The following ZNF91 variants were observed in gnomAD, a reference collection of about 807,000 sequenced individuals.
ZNF91 encodes zinc finger protein 91 (HPF7, HTF10).
In ZNF91, 7 loss-of-function variants were observed where a neutral mutation model predicts 12.6. The observed-to-expected ratio is 0.55, with a 90% CI of 0.31 to 1.04. The LOEUF (loss-of-function observed/expected upper bound fraction) is 1.04. Ranked by LOEUF, ZNF91 falls within the 50% of genes least tolerant of loss-of-function variation. ZNF91 has a pLI of 0.05. For synonymous variants in ZNF91, 453 were observed against 462.6 expected (o/e 0.98, Z 0.27); for missense variants, 1,217 against 1,385.4 (o/e 0.88, Z 1.93).
chr19:23,360,334 G>A lies in ZNF91; in HGVS notation c.2645C>T (p.Ser882Phe). The change falls in exon 4 of 4, where the codon TCC becomes TTC. Residue 882 changes from serine (S) to phenylalanine (F), a missense_variant. Ser to Phe is a radical substitution (Grantham distance 155, BLOSUM62 -2). This residue lies in a region of ZNF91 where 491 missense variants were observed against 489.8 expected (regional missense o/e 1.00). Transcript: ENST00000300619. ...TGCTTTGTCACATTCTTCACTCTTG[G>A]AAGGTTTCTCTTTAGTATGAATTAT... The part of the protein sequence containing the change: ...HKIIHTKEKP[S>F]KSEECDKAFI... The A allele has an allele frequency of 6.2e-7, 1 of 1,611,878 alleles. No individual in the cohort carries two copies. The highest frequency in any genetic ancestry group is 1.1e-5 in the South Asian group (1 of 90,916).
upstream of ZNF91, among the ~76,000 whole-genome samples, chr19:23,313,607 A>T (rs1967506005): frequency 1.3e-5 from 2 of 152,138 alleles, no homozygotes; most frequent in Non-Finnish European, 2.9e-5. Flanking sequence ...GGATTGTAAC[A>T]TTTATCTCTG....
chr19:23,319,779 C>T (rs1029136925), intron 1 of ZNF91, among the ~76,000 whole-genome samples: 6 of 152,172 alleles, frequency 3.9e-5, no homozygotes, highest in African/African-American at 1.4e-4. Flanking sequence ...GGTAATGTTA[C>T]TCTCCTGCTT....
chr19:23,391,247 A>AGC (rs1327875645), intron 1 of ZNF91, among the ~76,000 whole-genome samples: 1 of 152,222 alleles, frequency 6.6e-6, no homozygotes, highest in African/African-American at 2.4e-5. Context: ...ATTAAAAATC[A>AGC]GCTGACTTTG....
In ZNF91 at chr19:23,362,007, A is replaced by G. The variant is rs370494808; in HGVS notation, c.972T>C (p.Cys324=). ...GGCTAAAAGCTTTGCCACATTCTTC[A>G]CATTTGTAGGGTTTCTCTCCAGTAT... The part of the protein sequence containing the change: ...RIHTGEKPYK[C]EECGKAFSRS... Residue 324 remains cysteine, a synonymous_variant, in exon 4 of 4, where the codon TGT becomes TGC. Coordinates refer to ENST00000300619, the MANE Select transcript of ZNF91 (RefSeq NM_003430.4). 2.5e-6 allele frequency: 4 copies of G among 1,614,014 alleles called. No individual in the cohort carries two copies. The highest frequency in any genetic ancestry group is 3.4e-6 in the Non-Finnish European group (4 of 1,179,966).
rs1296968859 is a variant in ZNF91 at position 23,340,372 on chromosome 19, CAGA to C, written c.254-1321_254-1319del. Among the ~76,000 whole-genome samples, 17 of 152,096 alleles carry C rather than the reference CAGA, an allele frequency of 1.1e-4. No individual in the cohort carries two copies. In the East Asian group the frequency reaches 3.3e-3, roughly 29 times the overall value. Reference sequence around the variant, plus strand: ...CATTACAATGGATACAACAGTAATACAGAAGATCACTAGAAACGATTATAAACA... The same window carrying C: ...CATTACAATGGATACAACAGTAATACAGATCACTAGAAACGATTATAAACA... On this transcript the variant is annotated intron_variant, in intron 3 of 3. Coordinates refer to the ZNF91 transcript ENST00000599743.
intron 1 of ZNF91, chr19:23,325,481 C>G (rs1259096252): frequency 6.6e-6 from 1 of 152,098 alleles, no homozygotes; most frequent in Admixed American, 6.6e-5. Flanking sequence ...AACTCTAACT[C>G]TATATTTTCA....
At chr19:23,394,272 G>A (rs1970159252) in intron 1 of ZNF91, among the ~76,000 whole-genome samples, 1 of 152,064 alleles carries the variant, frequency 6.6e-6, no homozygotes, top group East Asian at 1.9e-4. Flanking sequence ...AGATTGAGGT[G>A]GCTCTAGTCC....
rs1359369958 is a variant in ZNF91, at chr19:23,360,317, C to T, written c.2662G>A (p.Asp888Asn). The T allele has an allele frequency of 1.2e-6, 2 of 1,613,896 alleles. No individual in the cohort carries two copies. The highest frequency in any genetic ancestry group is 2.2e-5 in the South Asian group (2 of 91,068). The part of the protein sequence containing the change: ...KEKPSKSEEC[D>N]KAFIWSSTLT... ...GTTGAGGACCAGATAAATGCTTTGT[C>T]ACATTCTTCACTCTTGGAAGGTTTC... Residue 888 changes from aspartate to asparagine, a missense_variant, in exon 4 of 4, where the codon GAC becomes AAC. Asp to Asn is a conservative substitution (Grantham distance 23). Transcript: ENST00000300619.
downstream of ZNF91, among the ~76,000 whole-genome samples, chr19:23,354,507 C>T (rs910887270): frequency 6.6e-6 from 1 of 152,102 alleles, no homozygotes; most frequent in Admixed American, 6.5e-5. Context: ...AGCCCACAGC[C>T]AACATAATAC....
At chr19:23,342,108 G>C in intron 3 of ZNF91, 1 of 375,628 alleles carries the variant, frequency 2.7e-6, no homozygotes, top group Non-Finnish European at 4.9e-6. Context: ...TTTAAGGTCT[G>C]AAATTCTTTC....
intron 1 of ZNF91, chr19:23,385,032 A>G: frequency 8.2e-7 from 1 of 1,220,092 alleles, no homozygotes; most frequent in Non-Finnish European, 1.2e-6. Flanking sequence ...TCCACCAGGG[A>G]GACACCTCAT....
intron 3 of ZNF91, among the ~76,000 whole-genome samples, chr19:23,363,257 T>C (rs1024257150): frequency 2.7e-4 from 41 of 152,350 alleles, no homozygotes; most frequent in African/African-American, 9.1e-4. Context: ...CATTCATTTT[T>C]ATTTACAGCT....
chr19:23,394,780 T>C (rs1970177552), intron 1 of ZNF91, among the ~76,000 whole-genome samples: 1 of 152,160 alleles, frequency 6.6e-6, no homozygotes, highest in African/African-American at 2.4e-5. Context: ...AATTACTGAA[T>C]TTGGTTTTCT....
At chr19:23,385,302 G>A (rs1431175959) in intron 1 of ZNF91, 7 of 466,164 alleles carry the variant, frequency 1.5e-5, no homozygotes, top group Non-Finnish European at 1.9e-5. Flanking sequence ...AACAGGATGC[G>A]AACTTATTTC....
At chr19:23,344,528 C>G (rs1161903795) in intron 3 of ZNF91, among the ~76,000 whole-genome samples, 1 of 152,172 alleles carries the variant, frequency 6.6e-6, no homozygotes, top group African/African-American at 2.4e-5. Flanking sequence ...CTAGAAGACA[C>G]ATTTCTTTGA....
chr19:23,323,176 TTCC>T (rs1967747325), intron 1 of ZNF91, among the ~76,000 whole-genome samples: 1 of 148,886 alleles, frequency 6.7e-6, no homozygotes, highest in South Asian at 2.2e-4. Context: ...CCTTTTTCTC[TTCC>T]TCCTTCTCCT....
intron 1 of ZNF91, among the ~76,000 whole-genome samples, chr19:23,392,366 A>G (rs1970094598): frequency 6.7e-6 from 1 of 148,886 alleles, no homozygotes; most frequent in Non-Finnish European, 1.5e-5. Flanking sequence ...ACTGCACTCC[A>G]GCCTGGGTGA....
intron 1 of ZNF91, chr19:23,385,111 C>T: frequency 1.2e-6 from 1 of 803,636 alleles, no homozygotes; most frequent in Non-Finnish European, 2.1e-6. Flanking sequence ...CCTGTCCGAA[C>T]AGTACCCCGA....
At chr19:23,306,794 A>AT (rs1429376950) in intron 3 of ZNF91, 9 of 150,616 alleles carry the variant, frequency 6.0e-5, no homozygotes, top group South Asian at 2.1e-4. Context: ...TCCTTTCTTT[A>AT]TTTTTTTTTC....
Sources: gnomAD v4.1 joint callset for allele counts (sites outside exome capture counted in the v4.1 genomes callset) on GRCh38, gnomAD v4.1.1 for gene constraint, gnomAD v4.1.1 regional missense constraint, MANE v1.5 for transcripts, NCBI Gene and HGNC (gene_info 2026-07-23, HGNC 2026-07-21) for gene names.